ADCY8: variants seen among roughly 807,000 people sequenced by gnomAD.
The protein encoded by ADCY8 is adenylate cyclase 8, also known as adenylate cyclase type 8.
In ADCY8, 51 loss-of-function variants were observed where a neutral mutation model predicts 119.7. The observed-to-expected ratio is 0.43, with a 90% CI of 0.34 to 0.54. The LOEUF is 0.54. Ranked by LOEUF, ADCY8 falls within the 20% of genes least tolerant of loss-of-function variation. The pLI is 0.03. For missense variants in ADCY8, 1,383 were observed against 1,598.8 expected, an observed-to-expected ratio of 0.87 and a Z score of 2.30; for synonymous variants, 665 against 651.0, an observed-to-expected ratio of 1.02 and a Z score of -0.33.
rs1824298959 is a variant in ADCY8 at position 131,039,717 on chromosome 8, G to A, written c.617C>T (p.Ala206Val). ...GATGCCCTTGAGCGGGTCCATGGGG[G>A]CCGAGGCCAGGCTCAAGTGTAGGAC... ...LLVLHLSLAS[A>V]PMDPLKGILL... is the part of the protein sequence containing the mutation. The change falls in exon 1 of 18, where the codon GCC becomes GTC. Residue 206 changes from alanine (A) to valine (V), a missense_variant. Ala to Val is a moderately conservative substitution (Grantham distance 64, BLOSUM62 0). Transcript: ENST00000286355. 3 of 1,614,160 alleles carry A rather than the reference G, an allele frequency of 1.9e-6. No individual in the cohort carries two copies. Among genetic ancestry groups the A allele is most frequent in the Non-Finnish European group, 2.5e-6 (3 of 1,180,038 alleles).
intron 2 of ADCY8, among the ~76,000 whole-genome samples, chr8:130,987,590 C>T (rs1250297390): frequency 6.6e-6 from 1 of 152,062 alleles, no homozygotes; most frequent in Non-Finnish European, 1.5e-5. Flanking sequence ...TTTATAATTG[C>T]AAAATATTAC....
At chr8:130,836,623 C>A (rs1465470454) in intron 11 of ADCY8, among the ~76,000 whole-genome samples, 174 bp from the exon 12 acceptor site, 1 of 152,154 alleles carries the variant, frequency 6.6e-6, no homozygotes, top group African/African-American at 2.4e-5. Context: ...TACTGCCAAG[C>A]CCTACTTCTC....
At chr8:130,821,099 G>T (rs1373632350) in intron 13 of ADCY8, among the ~76,000 whole-genome samples, 1 of 152,192 alleles carries the variant, frequency 6.6e-6, no homozygotes, top group East Asian at 1.9e-4. Flanking sequence ...GAAATTGAAA[G>T]CTCTTTCACT....
chr8:131,018,834 A>G lies in ADCY8; in HGVS notation c.960+20540T>C, dbSNP rs556987603. 3.9e-5 allele frequency among the ~76,000 whole-genome samples: 6 copies of G among 152,280 alleles called. No individual in the cohort carries two copies. The East Asian group carries it at 9.6e-4, about 24-fold the overall frequency. ...CTGCCAAACCATCTTCTTCCATTTG[A>G]GAGGAAATATAGGAGTGTTAATCTC... On this transcript the variant is annotated intron_variant, in intron 1 of 17. Transcript: ENST00000286355.
At chr8:130,897,442 A>G (rs751814145) in intron 7 of ADCY8, among the ~76,000 whole-genome samples, 45 of 151,944 alleles carry the variant, frequency 3.0e-4, no homozygotes, top group Non-Finnish European at 5.4e-4. Context: ...GGACTAAATC[A>G]AATTGTTGTT....
chr8:130,894,543 G>C (rs1236539465), intron 7 of ADCY8, among the ~76,000 whole-genome samples: 2 of 152,132 alleles, frequency 1.3e-5, no homozygotes, highest in African/African-American at 4.8e-5. Context: ...ACAGTGGGAA[G>C]AGACACTGCC....
rs1043565420 is a variant in ADCY8 at position 130,976,505 on chromosome 8, C to T, written c.1110+13888G>A. The stretch of plus-strand genomic sequence containing the variant: ...GATTATCCCTATGCCATAATACATG[C>T]TTCAGAGGTTATTTGAACACCATCA... On this transcript the variant is annotated intron_variant, in intron 2 of 17. Coordinates refer to ENST00000286355, the MANE Select transcript of ADCY8 (RefSeq NM_001115.3). Among the ~76,000 whole-genome samples the T allele has an allele frequency of 3.9e-5, 6 of 152,136 alleles. No individual in the cohort carries two copies. The East Asian group carries it at 1.2e-3, about 29-fold the overall frequency.
At chr8:130,850,037 C>A (rs531638977) in intron 9 of ADCY8, among the ~76,000 whole-genome samples, 13 of 152,238 alleles carry the variant, frequency 8.5e-5, no homozygotes, top group African/African-American at 3.1e-4. Flanking sequence ...TGATTTATTG[C>A]TCCTGCCCAT....
intron 11 of ADCY8, among the ~76,000 whole-genome samples, chr8:130,837,844 G>T (rs1395056631): frequency 6.6e-6 from 1 of 152,174 alleles, no homozygotes; most frequent in Non-Finnish European, 1.5e-5. Context: ...TATTTTATAG[G>T]TTAAGAAACT....
intron 2 of ADCY8, among the ~76,000 whole-genome samples, chr8:130,965,391 A>T (rs1175906882): frequency 6.6e-6 from 1 of 152,194 alleles, no homozygotes; most frequent in Non-Finnish European, 1.5e-5. Context: ...ATGCTCACTG[A>T]CTGGGTGACA....
chr8:131,008,244 G>A (rs557212962), intron 1 of ADCY8, among the ~76,000 whole-genome samples: 46 of 152,258 alleles, frequency 3.0e-4, no homozygotes, highest in African/African-American at 1.1e-3. Flanking sequence ...CAGCAAGTCA[G>A]GCTTCAGAGA....
intron 1 of ADCY8, among the ~76,000 whole-genome samples, chr8:131,019,609 T>C (rs544004512): frequency 6.6e-6 from 1 of 152,300 alleles, no homozygotes; most frequent in Non-Finnish European, 1.5e-5. Context: ...GACATACACA[T>C]CCTATTGCCA....
Position 130,838,613 on chromosome 8 carries a change from T to G in ADCY8, c.2503-2164A>C, listed in dbSNP as rs1817058429. On this transcript the variant is annotated intron_variant, in intron 11 of 17. Transcript: ENST00000286355. ...CAACAAGGGGCGGTGCATGGCTTTT[T>G]GCAAATTATGAATCATTTATTGGAT... is the stretch of plus-strand genomic sequence containing the variant. Among the ~76,000 whole-genome samples, 2 of 122,246 alleles carry G rather than the reference T, an allele frequency of 1.6e-5. 1 individual carries two copies. The highest frequency in any genetic ancestry group is 3.9e-5 in the Non-Finnish European group (2 of 51,284). The allele number at this position is 122,246 out of a possible 152,430, so 80.2% of individuals were successfully genotyped here. A position where few individuals can be genotyped will look rare whatever the true frequency, so the allele number is the denominator to read the frequency against.
chr8:130,896,179 G>T (rs1192331731), intron 7 of ADCY8, among the ~76,000 whole-genome samples: 1 of 152,018 alleles, frequency 6.6e-6, no homozygotes, highest in Non-Finnish European at 1.5e-5. Flanking sequence ...TGCCATAATT[G>T]TAACAATGTT....
intron 2 of ADCY8, among the ~76,000 whole-genome samples, chr8:130,989,390 G>T (rs1822504598): frequency 6.6e-6 from 1 of 152,064 alleles, no homozygotes; most frequent in Non-Finnish European, 1.5e-5. Flanking sequence ...TAATCATGAA[G>T]AAAATGTTGA....
chr8:131,017,776 C>G (rs997010416), intron 1 of ADCY8, among the ~76,000 whole-genome samples: 2 of 151,870 alleles, frequency 1.3e-5, no homozygotes, highest in African/African-American at 4.8e-5. Flanking sequence ...CTTCCTTTTC[C>G]CCCTCAGAGT....
chr8:130,808,366 G>T (rs1449067793), intron 14 of ADCY8, among the ~76,000 whole-genome samples: 1 of 152,154 alleles, frequency 6.6e-6, no homozygotes, highest in Non-Finnish European at 1.5e-5. Context: ...AGAAAAAATA[G>T]CAATGACTCA....
intron 1 of ADCY8, among the ~76,000 whole-genome samples, chr8:130,999,327 T>A (rs557293732): frequency 3.9e-5 from 6 of 152,262 alleles, no homozygotes; most frequent in South Asian, 2.1e-4. Flanking sequence ...CCTCCTCACT[T>A]TCCCCTTCTC....
At chr8:130,912,920 G>C (rs1231159571) in intron 5 of ADCY8, among the ~76,000 whole-genome samples, 1 of 152,196 alleles carries the variant, frequency 6.6e-6, no homozygotes, top group Non-Finnish European at 1.5e-5. Context: ...GAGCACATCA[G>C]TTTCTGAGGC....
Sources: allele counts gnomAD v4.1 joint callset (sites outside exome capture counted in the v4.1 genomes callset), GRCh38; gene constraint gnomAD v4.1.1; transcripts MANE v1.5; gene names NCBI Gene and HGNC (gene_info 2026-07-23, HGNC 2026-07-21).